Variants in ANO6 observed in about 807,000 individuals in gnomAD.
The protein encoded by ANO6 is anoctamin 6.
ANO6 carries 106 observed loss-of-function variants against 117.5 expected under a neutral mutation model. The ratio of observed to expected loss-of-function variants is 0.90; its 90% CI spans 0.77 to 1.06. The LOEUF is 1.06. Ranked by LOEUF, ANO6 falls within the 50% of genes least tolerant of loss-of-function variation. ANO6 has a pLI of 0.00. For missense variants in ANO6, 955 were observed against 1,121.1 expected (o/e 0.85, Z 2.12); for synonymous variants, 367 against 385.1 (o/e 0.95, Z 0.55).
chr12:45,401,848 G>A lies in ANO6; in HGVS notation c.1440G>A (p.Val480=), dbSNP rs1376447496. The A allele has an allele frequency of 9.3e-6, 15 of 1,613,848 alleles. No individual in the cohort carries two copies. Among genetic ancestry groups the A allele is most frequent in the Non-Finnish European group, 1.0e-5 (12 of 1,179,976 alleles). Residue 480 remains valine (V), a synonymous_variant, in exon 13 of 20, where the codon GTG becomes GTA. Transcript: ENST00000320560. ...GGATCATTGTCTATAGGCTCTCGGT[G>A]TTCATTGTATTTTCTGCAAAACTTC... ...VIGIIVYRLS[V]FIVFSAKLPK... is the part of the protein sequence containing the mutation.
intron 1 of ANO6, among the ~76,000 whole-genome samples, chr12:45,285,985 C>A (rs941331280): frequency 6.6e-6 from 1 of 152,142 alleles, no homozygotes; most frequent in Non-Finnish European, 1.5e-5. Context: ...GTTGCTACCC[C>A]TTCAGCAGTA....
At chr12:45,261,876 C>T (rs920122125) in intron 1 of ANO6, among the ~76,000 whole-genome samples, 1 of 152,194 alleles carries the variant, frequency 6.6e-6, no homozygotes, top group Admixed American at 6.5e-5. Context: ...CTAAATAATA[C>T]ATTTCAATTT....
intron 12 of ANO6, among the ~76,000 whole-genome samples, chr12:45,396,487 A>C (rs527594648): frequency 6.6e-6 from 1 of 152,060 alleles, no homozygotes; most frequent in Admixed American, 6.5e-5. Flanking sequence ...AATTGGAAAA[A>C]ACTAAAGTTC....
rs1417620757 is a variant in ANO6, at chr12:45,320,376, A to G, written c.151-10919A>G. 4.0e-5 allele frequency among the ~76,000 whole-genome samples: 6 copies of G among 151,472 alleles called. No individual in the cohort carries two copies. In the South Asian group the frequency reaches 6.3e-4, roughly 16 times the overall value. ...TATTTCTGCCTTCATTTCGTTATGT[A>G]CCCAGTAGTCATTCAGGAGCAGGTT... On this transcript the variant is annotated intron_variant, in intron 2 of 19. Transcript: ENST00000320560.
At chr12:45,349,686 C>T (rs1286986390) in intron 6 of ANO6, among the ~76,000 whole-genome samples, 1 of 152,144 alleles carries the variant, frequency 6.6e-6, no homozygotes. Flanking sequence ...GGACACTAAA[C>T]AGCAGCTTGA....
At chr12:45,327,461 A>G (rs886796052) in intron 2 of ANO6, among the ~76,000 whole-genome samples, 1 of 152,230 alleles carries the variant, frequency 6.6e-6, no homozygotes, top group African/African-American at 2.4e-5. Flanking sequence ...GTGCACAGAT[A>G]CATATGTACA....
At chr12:45,426,571 C>CT (rs1039698300) in intron 19 of ANO6, among the ~76,000 whole-genome samples, 2 of 152,148 alleles carry the variant, frequency 1.3e-5, no homozygotes, top group African/African-American at 4.8e-5. Context: ...CAACCCTCCC[C>CT]TCACCTGACT....
chr12:45,270,569 T>G (rs1938363290), intron 1 of ANO6: 2 of 630,580 alleles, frequency 3.2e-6, no homozygotes, highest in African/African-American at 3.7e-5. Flanking sequence ...CTTCCTTCTT[T>G]TTCCCCTCCG....
At chr12:45,344,873 A>C (rs1592992642) in intron 3 of ANO6, among the ~76,000 whole-genome samples, 1 of 152,178 alleles carries the variant, frequency 6.6e-6, no homozygotes. Flanking sequence ...CAAGTTGGGA[A>C]TATGGTGGGT....
intron 1 of ANO6, among the ~76,000 whole-genome samples, chr12:45,260,016 T>C (rs1265306085): frequency 6.6e-6 from 1 of 152,250 alleles, no homozygotes; most frequent in Non-Finnish European, 1.5e-5. Context: ...CTTTGCCCTC[T>C]GTGCAGCTGT....
At chr12:45,259,207 G>A (rs1351904941) in intron 1 of ANO6, among the ~76,000 whole-genome samples, 2 of 152,208 alleles carry the variant, frequency 1.3e-5, no homozygotes, top group Admixed American at 6.5e-5. Context: ...TTGAGGTGGT[G>A]TCCCCATGGT....
At chr12:45,307,254 G>A (rs1039162246) in intron 2 of ANO6, among the ~76,000 whole-genome samples, 1 of 152,108 alleles carries the variant, frequency 6.6e-6, no homozygotes, top group Non-Finnish European at 1.5e-5. Flanking sequence ...CAGAGCAGGG[G>A]CAGAGAGACC....
intron 1 of ANO6, among the ~76,000 whole-genome samples, chr12:45,232,853 A>G (rs1033360882): frequency 1.3e-5 from 2 of 152,196 alleles, no homozygotes; most frequent in Admixed American, 1.3e-4. Flanking sequence ...TCAGTTTAGC[A>G]TAATTATCTT....
chr12:45,380,892 A>T (rs1942151793), intron 10 of ANO6, among the ~76,000 whole-genome samples: 1 of 150,600 alleles, frequency 6.6e-6, no homozygotes, highest in South Asian at 2.1e-4. Flanking sequence ...GCTTGAATCC[A>T]GGAGGCAGAG....
At chr12:45,281,700 A>T (rs1043630153) in intron 1 of ANO6, among the ~76,000 whole-genome samples, 2 of 152,206 alleles carry the variant, frequency 1.3e-5, no homozygotes, top group Non-Finnish European at 2.9e-5. Context: ...ATTACATTTC[A>T]ACAGGAGATT....
intron 1 of ANO6, among the ~76,000 whole-genome samples, chr12:45,241,934 G>A (rs1184301726): frequency 6.6e-6 from 1 of 152,194 alleles, no homozygotes; most frequent in Non-Finnish European, 1.5e-5. Flanking sequence ...GATCCTTTCT[G>A]TGGAAGCTTC....
intron 7 of ANO6, among the ~76,000 whole-genome samples, chr12:45,354,832 T>C (rs1941369986): frequency 6.6e-6 from 1 of 152,160 alleles, no homozygotes; most frequent in African/African-American, 2.4e-5. Context: ...AAAGCAAGAA[T>C]ATTAATCTAA....
chr12:45,377,973 A>G, intron 9 of ANO6, 80 bp from the exon 10 acceptor site: 2 of 1,360,206 alleles, frequency 1.5e-6, no homozygotes, highest in African/African-American at 1.4e-5. Flanking sequence ...AAGACTGTAG[A>G]ATAGACAAAG....
rs187324609 is a variant in ANO6, at chr12:45,333,792, T to C, written c.279+2369T>C. Among the ~76,000 whole-genome samples, 19 of 152,188 alleles carry C rather than the reference T, an allele frequency of 1.2e-4. 1 individual carries two copies. The East Asian group carries it at 1.4e-3, about 11-fold the overall frequency. On this transcript the variant is annotated intron_variant, in intron 3 of 19. Coordinates refer to ENST00000320560, the MANE Select transcript of ANO6 (RefSeq NM_001025356.3). ...ATTGGAAAAACATTTGTGAGTTCCATTGTACTCCTTGTCAGGCCTTATTGA... is the reference window on the plus strand; with the variant it reads ...ATTGGAAAAACATTTGTGAGTTCCACTGTACTCCTTGTCAGGCCTTATTGA...
Sources: allele counts gnomAD v4.1 joint callset (sites outside exome capture counted in the v4.1 genomes callset), GRCh38; gene constraint gnomAD v4.1.1; transcripts MANE v1.5; gene names NCBI Gene and HGNC (gene_info 2026-07-23, HGNC 2026-07-21).